The following DLEC1 variants were observed in gnomAD, a reference collection of about 807,000 sequenced individuals.
DLEC1 encodes the protein deleted in lung and esophageal cancer protein 1.
Under a neutral mutation model 198.1 loss-of-function variants are expected in DLEC1, and 146 were observed. That is an observed-to-expected ratio of 0.74 (90% CI 0.64 to 0.85). DLEC1 has a LOEUF of 0.85. DLEC1 is among the 40% of genes least tolerant of loss of function. The probability of loss-of-function intolerance (pLI) is 0.00; values close to 1 mark genes in which losing one functional copy is unlikely to be tolerated. For synonymous variants in DLEC1, 897 were observed against 866.8 expected (o/e 1.03, Z -0.61); for missense variants, 2,233 against 2,220.0 (o/e 1.01, Z -0.12).
At position 38,045,702 on chromosome 3, in the gene DLEC1, A is replaced by G. The variant is rs778097338; in HGVS notation, c.562+9A>G. On this transcript the variant is annotated intron_variant, in intron 2 of 36. Coordinates refer to ENST00000308059, the MANE Select transcript of DLEC1 (RefSeq NM_007335.4). ...TGTCAGGTTGCCTCCAGGTGTGTAT[A>G]AAGAACTCCCACATGCCTGCCCAAT... 9 of 1,603,510 alleles carry G rather than the reference A, an allele frequency of 5.6e-6. No individual in the cohort carries two copies. The Admixed American group carries it at 8.7e-5, about 15-fold the overall frequency.
intron 10 of DLEC1, among the ~76,000 whole-genome samples, chr3:38,092,151 C>T (rs1575185038): frequency 6.6e-6 from 1 of 152,116 alleles, no homozygotes; most frequent in Non-Finnish European, 1.5e-5. Context: ...TATGGAATCA[C>T]CCTAAGTGTC....
At chr3:38,096,835 C>G in intron 15 of DLEC1, 98 bp downstream of exon 15, 1 of 1,392,470 alleles carries the variant, frequency 7.2e-7, no homozygotes, top group Non-Finnish European at 9.7e-7. Context: ...ATGGTAGCAG[C>G]CACTGCATGG....
In DLEC1 at chr3:38,108,535, G is replaced by A. The variant is rs986812008; in HGVS notation, c.3129+20G>A. The A allele has an allele frequency of 2.5e-6, 4 of 1,604,788 alleles. No homozygotes were observed. The African/African-American group carries it at 4.0e-5, about 16-fold the overall frequency. On this transcript the variant is annotated intron_variant, in intron 21 of 36. Transcript: ENST00000308059. ...ACCCAGGTGAGTAAGGCAATGTAGG[G>A]CCTGAGTGACCGGGAAGGCACCCTG...
At chr3:38,077,223 GGCAGTGTAAACAAGA>G (rs1389775122) in intron 6 of DLEC1, among the ~76,000 whole-genome samples, 22 of 152,268 alleles carry the variant, frequency 1.4e-4, no homozygotes, top group African/African-American at 5.1e-4. Context: ...AGTGTAAACC[GGCAGTGTAAACAAGA>G]GCAGGGCATG....
At chr3:38,060,892 C>A (rs558270039) in intron 3 of DLEC1, among the ~76,000 whole-genome samples, 1 of 152,016 alleles carries the variant, frequency 6.6e-6, no homozygotes, top group Admixed American at 6.6e-5. Flanking sequence ...GGGGGTTTCT[C>A]CATGTTGGTC....
At chr3:38,054,056 C>T (rs1208732976) in intron 2 of DLEC1, among the ~76,000 whole-genome samples, 2 of 152,110 alleles carry the variant, frequency 1.3e-5, no homozygotes, top group East Asian at 1.9e-4. Context: ...ACAAACACTG[C>T]GGAAGGCCGC....
rs756221236 is a variant in DLEC1, at chr3:38,085,402, C to G, written c.1390C>G (p.Leu464Val). The G allele has an allele frequency of 9.3e-6, 15 of 1,614,002 alleles. No homozygotes were observed. Among genetic ancestry groups the G allele is most frequent in the Non-Finnish European group, 1.3e-5 (15 of 1,180,012 alleles). Residue 464 changes from leucine to valine, a missense_variant, in exon 8 of 37, where the codon CTT (leucine) becomes GTT (valine). Transcript: ENST00000308059. ...ILVETQSAHT[L>V]LIPLQARRPP... is the part of the protein sequence containing the mutation. ...AGTGGAGACCCAGTCAGCCCACACA[C>G]TTCTGATCCCCCTGCAGGCCCGGAG...
Position 38,111,703 on chromosome 3 carries a change from A to G in DLEC1, c.3470A>G (p.Lys1157Arg), listed in dbSNP as rs1699888030. The change falls in exon 24 of 37, where the codon AAG becomes AGG. Residue 1157 changes from lysine (K) to arginine (R), a missense_variant. By Grantham distance (26) the Lys-to-Arg change is conservative. Coordinates refer to ENST00000308059, the MANE Select transcript of DLEC1 (RefSeq NM_007335.4). The part of the protein sequence containing the change: ...SLPNMPPALL[K>R]TVRMQEHLAK... Reference sequence around the variant, plus strand: ...CCCAACATGCCTCCTGCCCTGCTAAAGACAGTGCGGATGCAAGAGCACCTG... The same window carrying G: ...CCCAACATGCCTCCTGCCCTGCTAAGGACAGTGCGGATGCAAGAGCACCTG... The G allele has an allele frequency of 6.2e-7, 1 of 1,613,470 alleles. No individual in the cohort carries two copies.
chr3:38,122,893 TC>T lies in DLEC1; in HGVS notation c.*482del, dbSNP rs2125759980. ...CACTCCTATACCATGTCATCAGTGT[TC>T]ACATTTTCCAAATGAGTTGAAGTGC... On this transcript the variant is annotated 3_prime_UTR_variant, in exon 37 of 37. Transcript: ENST00000308059. 1.2e-6 allele frequency: 1 copy of T among 825,436 alleles called. No homozygotes were observed. Among genetic ancestry groups the T allele is most frequent in the South Asian group, 1.7e-5 (1 of 59,848 alleles). The allele number at this position is 825,436 out of a possible 1,614,324, so 51.1% of individuals were successfully genotyped here.
intron 3 of DLEC1, 105 bp from the exon 4 acceptor site, chr3:38,062,064 A>G: frequency 8.9e-7 from 1 of 1,123,576 alleles, no homozygotes; most frequent in Non-Finnish European, 1.3e-6. Context: ...AGTTTAGGAG[A>G]AAGATCAAGC....
rs1699912955 is a variant in DLEC1 at position 38,112,068 on chromosome 3, C to T, written c.3515-142C>T. The T allele has an allele frequency of 2.2e-6, 3 of 1,339,650 alleles. No homozygotes were observed. The highest frequency in any genetic ancestry group is 2.9e-5 in the African/African-American group (2 of 68,816). 83.0% of individuals were successfully genotyped at this position (1,339,650 alleles called of 1,614,324 possible). ...AGCTTGCCTCTGGATTCCAGGCTCCCAGGAGGAGGGCACATGTAGCCTGAC... is the reference window on the plus strand; with the variant it reads ...AGCTTGCCTCTGGATTCCAGGCTCCTAGGAGGAGGGCACATGTAGCCTGAC... On this transcript the variant is annotated intron_variant, in intron 24 of 36. Transcript: ENST00000308059. The surrounding 1 kb of genome is among the most constrained non-coding windows in gnomAD (Gnocchi z 4.8).
At chr3:38,086,023 A>G (rs1698437108) in intron 8 of DLEC1, among the ~76,000 whole-genome samples, 1 of 152,234 alleles carries the variant, frequency 6.6e-6, no homozygotes. Flanking sequence ...AGGAGTGAAT[A>G]GAGTCCCATG....
intron 7 of DLEC1, among the ~76,000 whole-genome samples, 195 bp downstream of exon 7, chr3:38,084,440 GGTGGTGGTGGTGGTAGTAGTAATAGTA>G (rs1698276258): frequency 5.3e-4 from 1 of 1,900 alleles, no homozygotes; most frequent in Non-Finnish European, 1.1e-3. Context: ...TAGTAGTGGT[GGTGGTGGTGGTGGTAGTAGTAATAGTA>G]GTGGTGGTGG....
intron 19 of DLEC1, among the ~76,000 whole-genome samples, chr3:38,104,093 A>G (rs1388314799): frequency 6.6e-6 from 1 of 152,212 alleles, no homozygotes; most frequent in East Asian, 1.9e-4. Flanking sequence ...AGTATCTGTG[A>G]AGTACAATAA....
chr3:38,068,991 G>T (rs1697175447), intron 6 of DLEC1, among the ~76,000 whole-genome samples: 1 of 152,154 alleles, frequency 6.6e-6, no homozygotes, highest in East Asian at 1.9e-4. Flanking sequence ...ATGGGAGAGG[G>T]AAGAGGGAAT....
Position 38,085,258 on chromosome 3 carries a change from C to T in DLEC1, c.1262-16C>T. ...CTGCTCCCAGGATCCTCACTTGTCA[C>T]TTTTGTCATGCACAGGGATGTTCCC... is the stretch of plus-strand genomic sequence containing the variant. On this transcript the variant is annotated splice_polypyrimidine_tract_variant and intron_variant, in intron 7 of 36. Transcript: ENST00000308059. 6.2e-7 allele frequency: 1 copy of T among 1,614,076 alleles called. No homozygotes were observed.
chr3:38,039,353 C>T lies in DLEC1; in HGVS notation c.128C>T (p.Ser43Phe), dbSNP rs1700537974. The T allele has an allele frequency of 1.2e-6, 2 of 1,614,234 alleles. No homozygotes were observed. Among genetic ancestry groups the T allele is most frequent in the South Asian group, 1.1e-5 (1 of 91,086 alleles). Residue 43 changes from serine to phenylalanine, a missense_variant, in exon 1 of 37, where the codon TCC becomes TTC. Ser to Phe is a radical substitution (Grantham distance 155). Coordinates refer to ENST00000308059, the MANE Select transcript of DLEC1 (RefSeq NM_007335.4). The part of the protein sequence containing the change: ...SSSPSQPTWK[S>F]SLYSSLAYSE... ...AGCCCCAGCCAGCCCACCTGGAAGTCCTCCTTGTATTCCTCCCTCGCCTAC... is the reference window on the plus strand; with the variant it reads ...AGCCCCAGCCAGCCCACCTGGAAGTTCTCCTTGTATTCCTCCCTCGCCTAC...
intron 5 of DLEC1, 112 bp downstream of exon 5, chr3:38,062,913 GC>G (rs1696773650): frequency 1.7e-6 from 2 of 1,170,946 alleles, no homozygotes; most frequent in Admixed American, 4.7e-5. Flanking sequence ...GGGCAGGGTA[GC>G]AGTATCAGAA....
intron 19 of DLEC1, among the ~76,000 whole-genome samples, chr3:38,102,752 C>A (rs1030290534): frequency 6.6e-6 from 1 of 152,146 alleles, no homozygotes; most frequent in Non-Finnish European, 1.5e-5. Context: ...GGGAAAACAG[C>A]CCTAAACAAA....
Sources: allele counts gnomAD v4.1 joint callset (sites outside exome capture counted in the v4.1 genomes callset), GRCh38; gene constraint gnomAD v4.1.1; non-coding constraint Gnocchi (gnomAD v3.1); transcripts MANE v1.5; gene names NCBI Gene and HGNC (gene_info 2026-07-23, HGNC 2026-07-21).